Variants in PIKFYVE observed in about 807,000 individuals in gnomAD.
PIKFYVE encodes the protein 1-phosphatidylinositol 3-phosphate 5-kinase.
PIKFYVE carries 122 observed loss-of-function variants against 257.9 expected under a neutral mutation model. The observed-to-expected ratio is 0.47, with a 90% CI of 0.41 to 0.55. The LOEUF is 0.55. Ranked by LOEUF, PIKFYVE falls within the 20% of genes least tolerant of loss-of-function variation. The pLI, the probability that PIKFYVE is intolerant of heterozygous loss-of-function variation, is 0.00. For missense variants in PIKFYVE, 2,160 were observed against 2,536.6 expected (o/e 0.85, Z 3.19); for synonymous variants, 892 against 868.9 (o/e 1.03, Z -0.47).
intron 6 of PIKFYVE, among the ~76,000 whole-genome samples, chr2:208,287,502 G>C (rs189996532): frequency 6.6e-6 from 1 of 151,348 alleles, no homozygotes; most frequent in Non-Finnish European, 1.5e-5. Flanking sequence ...TTGAACTCCT[G>C]ACCTCAGGTG....
intron 15 of PIKFYVE, among the ~76,000 whole-genome samples, 177 bp downstream of exon 15, chr2:208,315,550 T>C (rs1036662701): frequency 6.6e-6 from 1 of 152,198 alleles, no homozygotes; most frequent in Non-Finnish European, 1.5e-5. Context: ...AAGCCACGCA[T>C]AGGAAGTGAA....
chr2:208,356,140 T>C lies in PIKFYVE; in HGVS notation c.*835T>C, dbSNP rs1052542479. On this transcript the variant is annotated 3_prime_UTR_variant, in exon 42 of 42. Transcript: ENST00000264380. ...TGAGTCTGTAGTTACTAAACCCTAA[T>C]GGAATAATTATTAATGAAAGATTTT... The C allele has an allele frequency of 6.6e-6, 1 of 152,310 alleles. No individual in the cohort carries two copies. The highest frequency in any genetic ancestry group is 2.1e-4 in the South Asian group (1 of 4,830). 9.4% of individuals were successfully genotyped at this position (152,310 alleles called of 1,614,324 possible).
intron 12 of PIKFYVE, among the ~76,000 whole-genome samples, chr2:208,310,385 A>G (rs988522008): frequency 1.3e-5 from 2 of 152,344 alleles, no homozygotes; most frequent in African/African-American, 4.8e-5. Flanking sequence ...ACTTTAAAAA[A>G]TACTACTTAT....
chr2:208,293,981 C>T (rs1284588713), intron 7 of PIKFYVE, among the ~76,000 whole-genome samples: 1 of 152,160 alleles, frequency 6.6e-6, no homozygotes, highest in Non-Finnish European at 1.5e-5. Flanking sequence ...GTGGGAAATT[C>T]TCAGTGATTA....
intron 20 of PIKFYVE, among the ~76,000 whole-genome samples, chr2:208,326,961 T>C (rs1696997019): frequency 6.6e-6 from 1 of 152,178 alleles, no homozygotes; most frequent in African/African-American, 2.4e-5. Flanking sequence ...ATAGATCCAT[T>C]ATTGATAATG....
At chr2:208,311,374 A>G (rs565707844) in intron 12 of PIKFYVE, among the ~76,000 whole-genome samples, 1 of 152,292 alleles carries the variant, frequency 6.6e-6, no homozygotes, top group African/African-American at 2.4e-5. Flanking sequence ...CCTGGTTGGA[A>G]GGATGAGCAT....
chr2:208,302,934 T>C (rs1212239721), intron 10 of PIKFYVE, among the ~76,000 whole-genome samples: 1 of 151,836 alleles, frequency 6.6e-6, no homozygotes, highest in Non-Finnish European at 1.5e-5. Context: ...ACAAAAAAAT[T>C]AGCCAGGCAT....
At position 208,339,539 on chromosome 2, in the gene PIKFYVE, A is replaced by G; in HGVS notation, c.4794A>G (p.Thr1598=). 1 of 1,614,186 alleles carries G rather than the reference A, an allele frequency of 6.2e-7. No individual in the cohort carries two copies. Among genetic ancestry groups the G allele is most frequent in the Non-Finnish European group, 8.5e-7 (1 of 1,180,038 alleles). ...QSVGGPPELD[T]ASSSEDVFDG... ...TGGGAGGGCCCCCTGAGCTAGATACAGCCAGCAGTTCCGAAGGTAGAGGTT... is the reference window on the plus strand; with the variant it reads ...TGGGAGGGCCCCCTGAGCTAGATACGGCCAGCAGTTCCGAAGGTAGAGGTT... Residue 1598 remains threonine (T), a synonymous_variant, in exon 30 of 42, where the codon ACA becomes ACG. Transcript: ENST00000264380.
chr2:208,309,034 G>C (rs947797885), intron 12 of PIKFYVE, among the ~76,000 whole-genome samples: 1 of 152,128 alleles, frequency 6.6e-6, no homozygotes, highest in Admixed American at 6.6e-5. Flanking sequence ...ACGTGGATTT[G>C]TAGCTTGTTG....
Position 208,353,987 on chromosome 2 carries a change from T to C in PIKFYVE, c.5934T>C (p.Asn1978=). The C allele has an allele frequency of 6.2e-7, 1 of 1,613,990 alleles. No individual in the cohort carries two copies. Among genetic ancestry groups the C allele is most frequent in the Non-Finnish European group, 8.5e-7 (1 of 1,179,968 alleles). The part of the protein sequence containing the change: ...ESCDVVLLDE[N]LLKMVRDNPL... ...GTGATGTGGTCCTGCTAGATGAAAA[T>C]CTCCTAAAGATGGTTCGAGACAACC... The change falls in exon 40 of 42, where the codon AAT becomes AAC. Residue 1978 remains asparagine (N), a synonymous_variant. Coordinates refer to ENST00000264380, the MANE Select transcript of PIKFYVE (RefSeq NM_015040.4).
At chr2:208,334,849 G>C (rs1285244718) in intron 24 of PIKFYVE, among the ~76,000 whole-genome samples, 1 of 152,138 alleles carries the variant, frequency 6.6e-6, no homozygotes, top group Non-Finnish European at 1.5e-5. Context: ...TTAAGCAAGA[G>C]TTTTTAACCG....
intron 5 of PIKFYVE, among the ~76,000 whole-genome samples, 156 bp downstream of exon 5, chr2:208,277,864 T>G (rs576141214): frequency 1.7e-4 from 26 of 152,302 alleles, no homozygotes; most frequent in African/African-American, 6.0e-4. Context: ...TTAAGAACTT[T>G]CCTATTGAAT....
intron 7 of PIKFYVE, among the ~76,000 whole-genome samples, chr2:208,297,268 A>G (rs1574498485): frequency 6.6e-6 from 1 of 152,208 alleles, no homozygotes; most frequent in South Asian, 2.1e-4. Flanking sequence ...GATGGTTAAA[A>G]TGATAGAGAA....
At chr2:208,300,783 G>A (rs1405747542) in intron 8 of PIKFYVE, among the ~76,000 whole-genome samples, 154 bp from the exon 9 acceptor site, 3 of 152,208 alleles carry the variant, frequency 2.0e-5, no homozygotes, top group Non-Finnish European at 4.4e-5. Flanking sequence ...CTGTTCCCAC[G>A]TATATGACAT....
intron 7 of PIKFYVE, among the ~76,000 whole-genome samples, chr2:208,291,314 G>T (rs1163385455): frequency 6.6e-6 from 1 of 152,132 alleles, no homozygotes; most frequent in African/African-American, 2.4e-5. Context: ...ATTTTTGAAT[G>T]TTGAACCAGC....
intron 35 of PIKFYVE, 28 bp downstream of exon 35, chr2:208,348,051 A>T (rs767441351): frequency 2.5e-6 from 4 of 1,609,862 alleles, no homozygotes; most frequent in Admixed American, 3.3e-5. Context: ...AAATGTGCTT[A>T]TTCTATGCTT....
rs1347905183 is a variant in PIKFYVE, at chr2:208,354,025, G to A, written c.5972G>A (p.Arg1991His). Residue 1991 changes from arginine (R) to histidine (H), a missense_variant, in exon 40 of 42, where the codon CGT (arginine) becomes CAT (histidine). Physicochemically the swap from Arg to His is conservative, Grantham distance 29. Transcript: ENST00000264380. ...GTTCGAGACAACCCTCTATATATTC[G>A]TTCTCATTCCAAAGCTGTGCTGAGA... ...KMVRDNPLYI[R>H]SHSKAVLRTS... 3.1e-6 allele frequency: 5 copies of A among 1,613,854 alleles called. No homozygotes were observed. Among genetic ancestry groups the A allele is most frequent in the South Asian group, 2.2e-5 (2 of 91,072 alleles).
At chr2:208,318,196 T>A (rs1695777887) in intron 16 of PIKFYVE, among the ~76,000 whole-genome samples, 1 of 152,206 alleles carries the variant, frequency 6.6e-6, no homozygotes. Context: ...ATTAACAGAA[T>A]GATAAGATAC....
intron 12 of PIKFYVE, among the ~76,000 whole-genome samples, chr2:208,308,404 A>AG (rs911746266): frequency 2.0e-5 from 3 of 151,776 alleles, no homozygotes; most frequent in East Asian, 3.9e-4. Flanking sequence ...TTATCTAAAA[A>AG]AAAAAAGAAA....
Sources: gnomAD v4.1 joint callset for allele counts (sites outside exome capture counted in the v4.1 genomes callset) on GRCh38, gnomAD v4.1.1 for gene constraint, MANE v1.5 for transcripts, NCBI Gene and HGNC (gene_info 2026-07-23, HGNC 2026-07-21) for gene names.